The following DPP6 variants were observed in gnomAD, a reference collection of about 807,000 sequenced individuals.
DPP6 encodes A-type potassium channel modulatory protein DPP6.
DPP6 carries 69 observed loss-of-function variants against 122.6 expected under a neutral mutation model. The observed-to-expected ratio is 0.56, with a 90% CI of 0.46 to 0.69. The LOEUF (loss-of-function observed/expected upper bound fraction) is 0.69, where lower values mean the gene tolerates loss of function less well. DPP6 is among the 30% of genes least tolerant of loss of function. The pLI is 0.00. For missense variants in DPP6, 928 were observed against 1,116.9 expected (o/e 0.83, Z 2.41); for synonymous variants, 418 against 433.1 (o/e 0.97, Z 0.43).
At chr7:154,163,317 A>ACCTGGAAT (rs1797072709) in intron 1 of DPP6, among the ~76,000 whole-genome samples, 1 of 152,212 alleles carries the variant, frequency 6.6e-6, no homozygotes, top group South Asian at 2.1e-4. Context: ...CGAGCTGGAC[A>ACCTGGAAT]CCTGGAATCT....
At chr7:154,163,808 T>G (rs1797098042) in intron 1 of DPP6, among the ~76,000 whole-genome samples, 1 of 152,186 alleles carries the variant, frequency 6.6e-6, no homozygotes, top group Admixed American at 6.5e-5. Flanking sequence ...GGGAAGCACC[T>G]GGGCCACTAC....
intron 1 of DPP6, among the ~76,000 whole-genome samples, chr7:154,144,506 G>A (rs1195287904): frequency 3.1e-4 from 47 of 152,004 alleles, no homozygotes; most frequent in African/African-American, 1.1e-3. Context: ...TAGAGCAGTG[G>A]CTTAGAAACC....
At chr7:154,033,241 C>T (rs1446231604) in intron 1 of DPP6, among the ~76,000 whole-genome samples, 1 of 152,216 alleles carries the variant, frequency 6.6e-6, no homozygotes, top group Non-Finnish European at 1.5e-5. Flanking sequence ...TTACTATATC[C>T]TTTGACATAA....
chr7:154,181,581 G>A (rs1040640280), intron 1 of DPP6, among the ~76,000 whole-genome samples: 7 of 152,114 alleles, frequency 4.6e-5, no homozygotes, highest in Admixed American at 2.6e-4. Context: ...TTCTACCAAT[G>A]GCAGAAAGTG....
chr7:154,317,088 A>G (rs1807500857), intron 1 of DPP6, among the ~76,000 whole-genome samples: 1 of 152,162 alleles, frequency 6.6e-6, no homozygotes, highest in Admixed American at 6.5e-5. Flanking sequence ...CTGTCCCCCC[A>G]CCAATCTGGC....
chr7:154,779,265 CT>C (rs1242015420), intron 10 of DPP6, among the ~76,000 whole-genome samples: 2 of 88,430 alleles, frequency 2.3e-5, no homozygotes, highest in African/African-American at 6.4e-5. Flanking sequence ...GCCACCACCC[CT>C]ATCACCACCT....
intron 10 of DPP6, among the ~76,000 whole-genome samples, chr7:154,788,072 T>C (rs192263052): frequency 5.3e-5 from 8 of 152,206 alleles, no homozygotes; most frequent in African/African-American, 1.9e-4. Context: ...TAGAGATTAC[T>C]TTTTTTTACA....
At chr7:153,868,238 C>T in the DPP6 span, among the ~76,000 whole-genome samples, 1 of 152,070 alleles carries the variant, frequency 6.6e-6, no homozygotes, top group East Asian at 1.9e-4. Flanking sequence ...ACCAGCTCCT[C>T]CTTGTACCTC....
intron 16 of DPP6, among the ~76,000 whole-genome samples, chr7:154,820,343 C>T (rs181050539): frequency 6.6e-6 from 1 of 152,186 alleles, no homozygotes; most frequent in East Asian, 1.9e-4. Context: ...GTCACCTTTA[C>T]CACACAGAGC....
intron 1 of DPP6, among the ~76,000 whole-genome samples, chr7:153,913,477 A>T (rs1471895228): frequency 6.6e-6 from 1 of 152,204 alleles, no homozygotes; most frequent in Non-Finnish European, 1.5e-5. Context: ...AGTATCATAA[A>T]GTCTAAAAAT....
At chr7:154,748,935 G>A (rs116940338) in intron 8 of DPP6, among the ~76,000 whole-genome samples, 167 of 152,302 alleles carry the variant, frequency 1.1e-3, no homozygotes, top group African/African-American at 1.6e-3. Context: ...CGACCCATTC[G>A]GAAAATCAAG....
chr7:154,592,528 A>G (rs1832863638), intron 5 of DPP6, among the ~76,000 whole-genome samples: 1 of 152,186 alleles, frequency 6.6e-6, no homozygotes, highest in Non-Finnish European at 1.5e-5. Flanking sequence ...GTGCATAAAT[A>G]GATGTGTTTA....
intron 1 of DPP6, among the ~76,000 whole-genome samples, chr7:154,079,190 A>G (rs1296724478): frequency 6.6e-6 from 1 of 152,190 alleles, no homozygotes; most frequent in Non-Finnish European, 1.5e-5. Flanking sequence ...GCTAGACTCC[A>G]TCTCAAAAAC....
the DPP6 span, among the ~76,000 whole-genome samples, chr7:153,799,699 A>C: frequency 1.3e-5 from 2 of 152,212 alleles, no homozygotes; most frequent in African/African-American, 4.8e-5. Flanking sequence ...TCCTCTAAAA[A>C]AGATATTTTC....
chr7:153,835,183 A>G, the DPP6 span, among the ~76,000 whole-genome samples: 1 of 152,204 alleles, frequency 6.6e-6, no homozygotes, highest in African/African-American at 2.4e-5. Flanking sequence ...CCTTTGTAAT[A>G]TAATTTTTAA....
intron 1 of DPP6, chr7:154,095,287 G>A (rs777365932): frequency 5.6e-5 from 8 of 143,506 alleles, no homozygotes; most frequent in Non-Finnish European, 7.8e-5. Flanking sequence ...TAAGCATGTC[G>A]TGGGTGTGGG....
chr7:154,385,907 A>G (rs1292001217), intron 1 of DPP6, among the ~76,000 whole-genome samples: 1 of 152,168 alleles, frequency 6.6e-6, no homozygotes, highest in Non-Finnish European at 1.5e-5. Flanking sequence ...TTGATTGATG[A>G]ACAGGTGCTT....
the DPP6 span, among the ~76,000 whole-genome samples, chr7:153,843,280 GCACACA>G: frequency 6.2e-5 from 7 of 113,356 alleles, no homozygotes; most frequent in Admixed American, 3.8e-4. Context: ...ATGCGCGCGC[GCACACA>G]CACACACACA....
At chr7:154,005,227 A>AT (rs1797862359) in intron 1 of DPP6, among the ~76,000 whole-genome samples, 1 of 152,210 alleles carries the variant, frequency 6.6e-6, no homozygotes, top group Non-Finnish European at 1.5e-5. Context: ...CCCCAAGAAA[A>AT]TAACTAATTT....
Sources: allele counts gnomAD v4.1 joint callset (sites outside exome capture counted in the v4.1 genomes callset), GRCh38; gene constraint gnomAD v4.1.1; transcripts MANE v1.5; gene names NCBI Gene and HGNC (gene_info 2026-07-23, HGNC 2026-07-21).